The following OSBPL8 variants were observed in gnomAD, a reference collection of about 807,000 sequenced individuals.
OSBPL8 encodes the protein oxysterol binding protein like 8.
A neutral mutation model predicts 125.5 loss-of-function variants in OSBPL8; 59 were observed. That is an observed-to-expected ratio of 0.47 (90% CI 0.38 to 0.58). OSBPL8 has a LOEUF of 0.58. Among genes scored for constraint, OSBPL8 ranks in the 20% least tolerant of loss-of-function variants. The pLI is 0.00. For synonymous variants in OSBPL8, 330 were observed against 338.9 expected, an observed-to-expected ratio of 0.97 and a Z score of 0.29; for missense variants, 758 against 1,047.8, an observed-to-expected ratio of 0.72 and a Z score of 3.82.
At chr12:76,542,969 C>T (rs752008057) in intron 1 of OSBPL8, among the ~76,000 whole-genome samples, 2 of 152,192 alleles carry the variant, frequency 1.3e-5, no homozygotes, top group Non-Finnish European at 2.9e-5. Flanking sequence ...GAGAAATATT[C>T]TTTTCTCCTT....
At chr12:76,464,935 A>T (rs1268168404) in intron 2 of OSBPL8, among the ~76,000 whole-genome samples, 1 of 152,210 alleles carries the variant, frequency 6.6e-6, no homozygotes, top group African/African-American at 2.4e-5. Context: ...ATTTAGCGTT[A>T]TCATAGGCCC....
chr12:76,377,563 T>C lies in OSBPL8; in HGVS notation c.1729+889A>G, dbSNP rs138392347. Among the ~76,000 whole-genome samples, 677 of 152,352 alleles carry C rather than the reference T, an allele frequency of 4.4e-3. 9 individuals are homozygous for C. Among genetic ancestry groups the C allele is most frequent in the African/African-American group, 0.016 (651 of 41,582 alleles). ...TTTTTTCATGTTGGTCACATAAATG[T>C]CTTCTTTTGAAAAGTGTCTGTTCGT... On this transcript the variant is annotated intron_variant, in intron 16 of 23. Coordinates refer to ENST00000261183, the MANE Select transcript of OSBPL8 (RefSeq NM_020841.5).
intron 4 of OSBPL8, among the ~76,000 whole-genome samples, chr12:76,430,705 A>T (rs891076587): frequency 6.6e-6 from 1 of 152,226 alleles, no homozygotes; most frequent in Non-Finnish European, 1.5e-5. Context: ...CTTGCAGGCC[A>T]GAAGACAGTA....
intron 21 of OSBPL8, 73 bp downstream of exon 21, chr12:76,369,141 T>G: frequency 8.2e-7 from 1 of 1,219,608 alleles, no homozygotes; most frequent in Non-Finnish European, 1.0e-6. Flanking sequence ...AAACCAAATT[T>G]TAGTTGGTTG....
chr12:76,441,558 T>C (rs919989366), intron 4 of OSBPL8, among the ~76,000 whole-genome samples: 1 of 152,016 alleles, frequency 6.6e-6, no homozygotes. Flanking sequence ...AAAAAGGAGA[T>C]TTCAATCTGT....
intron 1 of OSBPL8, among the ~76,000 whole-genome samples, chr12:76,557,611 TAAAA>T (rs35658174): frequency 4.4e-5 from 6 of 136,422 alleles, no homozygotes; most frequent in Admixed American, 7.3e-5. Flanking sequence ...GAGACAGTCT[TAAAA>T]AAAAAAAAAA....
chr12:76,548,478 C>T (rs1228998965), intron 1 of OSBPL8, among the ~76,000 whole-genome samples: 1 of 152,100 alleles, frequency 6.6e-6, no homozygotes, highest in East Asian at 1.9e-4. Context: ...TATCTCCCAT[C>T]CCCTATTTCC....
intron 2 of OSBPL8, among the ~76,000 whole-genome samples, chr12:76,482,586 C>A (rs1288540256): frequency 2.0e-5 from 3 of 151,696 alleles, no homozygotes; most frequent in African/African-American, 7.3e-5. Flanking sequence ...GGACTCCAGC[C>A]TGGGCAACAA....
chr12:76,391,535 G>GA (rs1409647121), intron 10 of OSBPL8, among the ~76,000 whole-genome samples: 1 of 151,402 alleles, frequency 6.6e-6, no homozygotes, highest in African/African-American at 2.4e-5. Context: ...GAGAGTGGGG[G>GA]AAAAAAGAAA....
chr12:76,411,988 C>T (rs202137013), intron 4 of OSBPL8, among the ~76,000 whole-genome samples: 68 of 152,224 alleles, frequency 4.5e-4, no homozygotes, highest in Non-Finnish European at 7.4e-4. Context: ...GTTAAATGTA[C>T]ATTCTACACG....
At chr12:76,401,405 T>A (rs909209776) in intron 6 of OSBPL8, among the ~76,000 whole-genome samples, 4 of 152,212 alleles carry the variant, frequency 2.6e-5, no homozygotes. Context: ...GAGCTAACCC[T>A]GAGGGCATTC....
chr12:76,417,636 TA>T, intron 4 of OSBPL8, among the ~76,000 whole-genome samples: 1 of 152,330 alleles, frequency 6.6e-6, no homozygotes, highest in East Asian at 1.9e-4. Flanking sequence ...AATGTACTAC[TA>T]GTATGTACAC....
At chr12:76,411,175 T>C (rs1435111826) in intron 4 of OSBPL8, among the ~76,000 whole-genome samples, 2 of 152,174 alleles carry the variant, frequency 1.3e-5, no homozygotes, top group Non-Finnish European at 2.9e-5. Flanking sequence ...TTTTCTATTC[T>C]TATTCTAAAA....
In OSBPL8 at chr12:76,559,621, G is replaced by A. The variant is rs1489514583; in HGVS notation, c.-292C>T. The A allele has an allele frequency of 6.6e-6, 1 of 152,244 alleles. No individual in the cohort carries two copies. Among genetic ancestry groups the A allele is most frequent in the Non-Finnish European group, 1.5e-5 (1 of 68,072 alleles). The allele number at this position is 152,244 out of a possible 1,614,324, so 9.4% of individuals were successfully genotyped here. ...GCGGGGCGGGAACTTTCGGCCCCGA[G>A]GTCCACCAGCCCGGGCGGACCCCCA... On this transcript the variant is annotated 5_prime_UTR_variant, in exon 1 of 24. Transcript: ENST00000261183.
At chr12:76,525,483 T>C (rs920419988) in intron 1 of OSBPL8, among the ~76,000 whole-genome samples, 1 of 152,156 alleles carries the variant, frequency 6.6e-6, no homozygotes, top group African/African-American at 2.4e-5. Context: ...TATAAGTAAT[T>C]TGAGGGAAGA....
intron 15 of OSBPL8, among the ~76,000 whole-genome samples, chr12:76,380,978 T>A (rs1323999816): frequency 6.6e-6 from 1 of 152,186 alleles, no homozygotes; most frequent in Non-Finnish European, 1.5e-5. Context: ...TCTATCGAAA[T>A]CACACTTTTC....
At chr12:76,421,555 G>C (rs1869486495) in intron 4 of OSBPL8, among the ~76,000 whole-genome samples, 1 of 151,968 alleles carries the variant, frequency 6.6e-6, no homozygotes, top group Non-Finnish European at 1.5e-5. Flanking sequence ...TTATCAACAT[G>C]AATATTCAGA....
rs547956280 is a variant in OSBPL8, at chr12:76,432,706, T to G, written c.217+18145A>C. 1.4e-4 allele frequency among the ~76,000 whole-genome samples: 21 copies of G among 151,070 alleles called. No individual in the cohort carries two copies. The South Asian group carries it at 4.4e-3, about 32-fold the overall frequency. On this transcript the variant is annotated intron_variant, in intron 4 of 23. Transcript: ENST00000261183. ...GAATAAAAATTAGAGCAGAAATAAA[T>G]AAAAGGGAGAATAGAAAAACAATAC...
At chr12:76,425,888 C>T (rs961590648) in intron 4 of OSBPL8, among the ~76,000 whole-genome samples, 9 of 152,136 alleles carry the variant, frequency 5.9e-5, no homozygotes, top group Non-Finnish European at 1.2e-4. Flanking sequence ...ATTATCTTGC[C>T]GAATGCTTTC....
Sources: allele counts gnomAD v4.1 joint callset (sites outside exome capture counted in the v4.1 genomes callset), GRCh38; gene constraint gnomAD v4.1.1; transcripts MANE v1.5; gene names NCBI Gene and HGNC (gene_info 2026-07-23, HGNC 2026-07-21).